SRSF10: variants seen among roughly 807,000 people sequenced by gnomAD.
The protein encoded by SRSF10 is serine/arginine-rich splicing factor 10.
In SRSF10, 9 loss-of-function variants were observed where a neutral mutation model predicts 32.6. The observed-to-expected ratio is 0.28, with a 90% CI of 0.17 to 0.48. The LOEUF (loss-of-function observed/expected upper bound fraction) is 0.48, where lower values mean the gene tolerates loss of function less well. Ranked by LOEUF, SRSF10 falls within the 20% of genes least tolerant of loss-of-function variation. The pLI is 0.99. For synonymous variants in SRSF10, 105 were observed against 112.4 expected (o/e 0.93, Z 0.42); for missense variants, 201 against 331.8 (o/e 0.61, Z 3.06).
intron 5 of SRSF10, 52 bp from the exon 6 acceptor site, chr1:23,971,491 A>C (rs1285698831): frequency 8.6e-5 from 137 of 1,587,784 alleles, no homozygotes; most frequent in Non-Finnish European, 1.2e-4. Context: ...ATTCTATATT[A>C]ATCAAATTTG....
chr1:23,972,908 T>G (rs1641859496), intron 3 of SRSF10, among the ~76,000 whole-genome samples: 1 of 152,046 alleles, frequency 6.6e-6, no homozygotes, highest in Non-Finnish European at 1.5e-5. Flanking sequence ...ACCAGGCTAG[T>G]TTCGTATTTT....
In SRSF10 at chr1:23,971,001, A is replaced by G; in HGVS notation, c.*141T>C. ...GGCTTCTCAACAGCATATCATTTTA[A>G]TTATAACCATTGCCTGGTACAGGGA... On this transcript the variant is annotated 3_prime_UTR_variant, in exon 6 of 6. Transcript: ENST00000492112. The G allele has an allele frequency of 6.8e-7, 1 of 1,466,986 alleles. No individual in the cohort carries two copies. Among genetic ancestry groups the G allele is most frequent in the Non-Finnish European group, 9.0e-7 (1 of 1,116,496 alleles). The allele number at this position is 1,466,986 out of a possible 1,614,324, so 90.9% of individuals were successfully genotyped here. A position where few individuals can be genotyped will look rare whatever the true frequency, so the allele number is the denominator to read the frequency against.
At position 23,971,344 on chromosome 1, in the gene SRSF10, C is replaced by G; in HGVS notation, c.587G>C (p.Arg196Pro). The change falls in exon 6 of 6, where the codon CGT (arginine) becomes CCT (proline). Residue 196 changes from arginine to proline, a missense_variant. By Grantham distance (103) the Arg-to-Pro change is moderately radical. This residue lies in a region of SRSF10 where 159 missense variants were observed against 196.7 expected (regional missense o/e 0.81). Transcript: ENST00000492112. ...QPKKEMKAKS[R>P]SRSASHTKTR... The stretch of plus-strand genomic sequence containing the variant: ...TTTGGTGTGAGATGCAGACCTAGAA[C>G]GTGATTTAGCCTTCATTTCTTTCTT... 6.2e-7 allele frequency: 1 copy of G among 1,612,748 alleles called. No individual in the cohort carries two copies. The highest frequency in any genetic ancestry group is 1.1e-5 in the South Asian group (1 of 91,012).
At chr1:23,976,702 T>A (rs1033122193) in intron 2 of SRSF10, 3 of 152,166 alleles carry the variant, frequency 2.0e-5, no homozygotes, top group African/African-American at 7.2e-5. Flanking sequence ...CTTTACTCGG[T>A]AAGCCAGGGA....
In SRSF10 at chr1:23,971,931, G is replaced by C; in HGVS notation, c.356C>G (p.Ser119Cys). ...CCTCCTTTCATAACTTCGGCTTCTA[G>C]AACGTCTGTATCTGTCATAATCATC... is the stretch of plus-strand genomic sequence containing the variant. ...RYDDYDRYRRSRSRSYERRRS... is the reference protein window; with the variant it reads ...RYDDYDRYRRCRSRSYERRRS... Residue 119 changes from serine (S) to cysteine (C), a missense_variant, in exon 4 of 6, where the codon TCT (serine) becomes TGT (cysteine). Coordinates refer to ENST00000492112, the MANE Select transcript of SRSF10 (RefSeq NM_054016.4). 1 of 1,598,932 alleles carries C rather than the reference G, an allele frequency of 6.3e-7. No individual in the cohort carries two copies. The highest frequency in any genetic ancestry group is 8.5e-7 in the Non-Finnish European group (1 of 1,175,262).
rs1641654307 is a variant in SRSF10, at chr1:23,970,096, C to T, written c.*1046G>A. 1.0e-6 allele frequency: 1 copy of T among 985,290 alleles called. No individual in the cohort carries two copies. Among genetic ancestry groups the T allele is most frequent in the Admixed American group, 6.1e-5 (1 of 16,276 alleles). The allele number at this position is 985,290 out of a possible 1,614,324, so 61.0% of individuals were successfully genotyped here. Reference sequence around the variant, plus strand: ...CTAAGCAATATTATGGTCAACAACGCTCCTTAAACTTTAGAATAACTACAT... The same window carrying T: ...CTAAGCAATATTATGGTCAACAACGTTCCTTAAACTTTAGAATAACTACAT... On this transcript the variant is annotated 3_prime_UTR_variant, in exon 6 of 6. Coordinates refer to ENST00000492112, the MANE Select transcript of SRSF10 (RefSeq NM_054016.4).
At chr1:23,978,907 T>A (rs142675257) in intron 1 of SRSF10, 90 bp from the exon 2 acceptor site, 2 of 1,174,036 alleles carry the variant, frequency 1.7e-6, no homozygotes, top group Admixed American at 2.4e-5. Context: ...AAAGCTAGGA[T>A]CCAAGAATTT....
intron 2 of SRSF10, among the ~76,000 whole-genome samples, chr1:23,978,427 G>C (rs925659616): frequency 6.6e-6 from 1 of 152,062 alleles, no homozygotes; most frequent in Admixed American, 6.6e-5. Flanking sequence ...ACTTTTAAAG[G>C]ACTTACATTA....
chr1:23,976,165 A>G (rs1218639080), intron 2 of SRSF10: 1 of 152,206 alleles, frequency 6.6e-6, no homozygotes, highest in African/African-American at 2.4e-5. Flanking sequence ...TCTAGTTTGC[A>G]CATTTCTTTT....
chr1:23,975,216 T>C (rs527630088), intron 2 of SRSF10, 139 bp from the exon 3 acceptor site: 440 of 693,874 alleles, frequency 6.3e-4, no homozygotes, highest in Non-Finnish European at 1.0e-3. Context: ...TAGTTGGTGA[T>C]TCAGTTGGAT....
At chr1:23,974,380 C>A (rs1641956667) in intron 3 of SRSF10, among the ~76,000 whole-genome samples, 1 of 151,434 alleles carries the variant, frequency 6.6e-6, no homozygotes, top group Non-Finnish European at 1.5e-5. Flanking sequence ...AAGTACGCAG[C>A]GAACATCTGG....
chr1:23,973,103 G>T (rs1265882344), intron 3 of SRSF10, among the ~76,000 whole-genome samples: 1 of 152,178 alleles, frequency 6.6e-6, no homozygotes, highest in Non-Finnish European at 1.5e-5. Flanking sequence ...TGCAGAACGT[G>T]ATTTAGCCAA....
chr1:23,968,030 G>C lies in SRSF10; in HGVS notation c.*3112C>G. 6.5e-7 allele frequency: 1 copy of C among 1,531,628 alleles called. No individual in the cohort carries two copies. Among genetic ancestry groups the C allele is most frequent in the Admixed American group, 2.0e-5 (1 of 49,912 alleles). The allele number at this position is 1,531,628 out of a possible 1,614,324, so 94.9% of individuals were successfully genotyped here. On this transcript the variant is annotated 3_prime_UTR_variant, in exon 6 of 6. Coordinates refer to ENST00000492112, the MANE Select transcript of SRSF10 (RefSeq NM_054016.4). The stretch of plus-strand genomic sequence containing the variant: ...GTGAAGTGTGTCAGCCCTCATTTGA[G>C]TGTTGATATAACCATTCTATTTATC...
In SRSF10 at chr1:23,964,820, A is replaced by G. The variant is rs1641374076; in HGVS notation, c.*6322T>C. The G allele has an allele frequency of 6.6e-6, 1 of 151,972 alleles. No individual in the cohort carries two copies. The highest frequency in any genetic ancestry group is 6.6e-5 in the Admixed American group (1 of 15,256). The allele number at this position is 151,972 out of a possible 1,614,324, so 9.4% of individuals were successfully genotyped here. The stretch of plus-strand genomic sequence containing the variant: ...AACCCAAGATTTATTTTTGGCTCCT[A>G]GACCAGTTTATTTCACTTTCCAGCA... On this transcript the variant is annotated 3_prime_UTR_variant, in exon 6 of 6. Transcript: ENST00000492112.
chr1:23,966,873 C>T lies in SRSF10; in HGVS notation c.*4269G>A, dbSNP rs1377545557. On this transcript the variant is annotated 3_prime_UTR_variant, in exon 6 of 6. Coordinates refer to ENST00000492112, the MANE Select transcript of SRSF10 (RefSeq NM_054016.4). ...GATCGTATATTGTGTTCTATAATTA[C>T]ATTGATACGAATGGTGTAAAATATT... The T allele has an allele frequency of 6.6e-6, 1 of 152,062 alleles. No individual in the cohort carries two copies. The highest frequency in any genetic ancestry group is 1.5e-5 in the Non-Finnish European group (1 of 67,950). The allele number at this position is 152,062 out of a possible 1,614,324, so 9.4% of individuals were successfully genotyped here. A position where few individuals can be genotyped will look rare whatever the true frequency, so the allele number is the denominator to read the frequency against.
intron 3 of SRSF10, among the ~76,000 whole-genome samples, chr1:23,974,669 A>T (rs1641977137): frequency 6.6e-6 from 1 of 152,140 alleles, no homozygotes; most frequent in African/African-American, 2.4e-5. Flanking sequence ...TCTCTACTAA[A>T]AATACAAAAA....
Position 23,980,275 on chromosome 1 carries a change from CG to C in SRSF10, c.-21del. 1 of 1,473,108 alleles carries C rather than the reference CG, an allele frequency of 6.8e-7. No homozygotes were observed. The highest frequency in any genetic ancestry group is 9.0e-7 in the Non-Finnish European group (1 of 1,107,148). 91.3% of individuals were successfully genotyped at this position (1,473,108 alleles called of 1,614,324 possible). ...GGACATGGCGGCGGCGTGTCTCGGC[CG>C]GGCGCACTAACGGGCTCAGCAAACC... On this transcript the variant is annotated 5_prime_UTR_variant, in exon 1 of 6. Transcript: ENST00000492112.
rs1047765823 is a variant in SRSF10 at position 23,966,458 on chromosome 1, TAA to T, written c.*4682_*4683del. The stretch of plus-strand genomic sequence containing the variant: ...GAATCCAAAACATTTTGTGATACTA[TAA>T]AAGTTATTTATTCGCTATACACAGA... On this transcript the variant is annotated 3_prime_UTR_variant, in exon 6 of 6. Coordinates refer to ENST00000492112, the MANE Select transcript of SRSF10 (RefSeq NM_054016.4). 3 of 152,166 alleles carry T rather than the reference TAA, an allele frequency of 2.0e-5. No homozygotes were observed. The highest frequency in any genetic ancestry group is 2.1e-4 in the South Asian group (1 of 4,824). 9.4% of individuals were successfully genotyped at this position (152,166 alleles called of 1,614,324 possible). A position where few individuals can be genotyped will look rare whatever the true frequency, so the allele number is the denominator to read the frequency against.
rs771391736 is a variant in SRSF10 at position 23,971,606 on chromosome 1, G to A, written c.458C>T (p.Pro153Leu). The A allele has an allele frequency of 1.2e-6, 2 of 1,610,882 alleles. No homozygotes were observed. Among genetic ancestry groups the A allele is most frequent in the East Asian group, 2.2e-5 (1 of 44,860 alleles). The stretch of plus-strand genomic sequence containing the variant: ...GTCGGAATGGCTTCTGCTACGCCGT[G>A]GTCTTCCAGTCGGTCTACTGCTAAA... ...SPRNSRPTGR[P>L]RRSRSHSDND... Residue 153 changes from proline (P) to leucine (L), a missense_variant, in exon 5 of 6, where the codon CCA (proline) becomes CTA (leucine). Transcript: ENST00000492112.
Sources: gnomAD v4.1 joint callset for allele counts (sites outside exome capture counted in the v4.1 genomes callset) on GRCh38, gnomAD v4.1.1 for gene constraint, gnomAD v4.1.1 regional missense constraint, MANE v1.5 for transcripts, NCBI Gene and HGNC (gene_info 2026-07-23, HGNC 2026-07-21) for gene names.